Variants in CLDND1 observed in about 807,000 individuals in gnomAD.
CLDND1 encodes claudin domain containing 1.
A neutral mutation model predicts 26.3 loss-of-function variants in CLDND1; 13 were observed. That is an observed-to-expected ratio of 0.49 (90% CI 0.32 to 0.78). The LOEUF (loss-of-function observed/expected upper bound fraction) is 0.78, where lower values mean the gene tolerates loss of function less well. Among genes scored for constraint, CLDND1 ranks in the 30% least tolerant of loss-of-function variants. The pLI is 0.03. For missense variants in CLDND1, 289 were observed against 312.8 expected (o/e 0.92, Z 0.57); for synonymous variants, 107 against 107.0 (o/e 1.00, Z 0.00).
In CLDND1 at chr3:98,522,869, C is replaced by A; in HGVS notation, c.-39G>T. 2 of 1,613,796 alleles carry A rather than the reference C, an allele frequency of 1.2e-6. No individual in the cohort carries two copies. The highest frequency in any genetic ancestry group is 2.2e-5 in the South Asian group (2 of 91,072). ...CTCACCGCCCATCCTCCTGCTCCGCCAGCTTCACCCTCTAGCTCAGACCAC... is the reference window on the plus strand; with the variant it reads ...CTCACCGCCCATCCTCCTGCTCCGCAAGCTTCACCCTCTAGCTCAGACCAC... On this transcript the variant is annotated 5_prime_UTR_variant, in exon 1 of 5. Transcript: ENST00000341181.
At chr3:98,517,607 T>G (rs939889443) in intron 3 of CLDND1, among the ~76,000 whole-genome samples, 1 of 152,214 alleles carries the variant, frequency 6.6e-6, no homozygotes, top group Non-Finnish European at 1.5e-5. Context: ...TACATAGCAT[T>G]TATATTGTAT....
chr3:98,522,446 G>A (rs780239318), intron 1 of CLDND1: 39 of 794,810 alleles, frequency 4.9e-5, no homozygotes, highest in Admixed American at 1.6e-4. Flanking sequence ...AAGTGACTCA[G>A]GAAAGATAAG....
At position 98,516,251 on chromosome 3, in the gene CLDND1, A is replaced by C; in HGVS notation, c.*408T>G. On this transcript the variant is annotated 3_prime_UTR_variant, in exon 5 of 5. Transcript: ENST00000341181. ...ATCTACAACAGCAAAGTGAACATAA[A>C]GTTTTGACGATGAGAGGTTTCCCAA... is the stretch of plus-strand genomic sequence containing the variant. 1 of 1,028,166 alleles carries C rather than the reference A, an allele frequency of 9.7e-7. No individual in the cohort carries two copies. The highest frequency in any genetic ancestry group is 1.2e-6 in the Non-Finnish European group (1 of 856,052). The allele number at this position is 1,028,166 out of a possible 1,614,324, so 63.7% of individuals were successfully genotyped here.
chr3:98,518,902 A>T lies in CLDND1; in HGVS notation c.386T>A (p.Ile129Asn). ...GTACTCACAGGTCCTAAGGAGATCAATCCCGCTATTGTGGTTTCCGGGATC... is the reference window on the plus strand; with the variant it reads ...GTACTCACAGGTCCTAAGGAGATCATTCCCGCTATTGTGGTTTCCGGGATC... ...FVDPGNHNSGIDLLRTYLWRC... is the reference protein window; with the variant it reads ...FVDPGNHNSGNDLLRTYLWRC... The change falls in exon 3 of 5, where the codon ATT becomes AAT. Residue 129 changes from isoleucine to asparagine, a missense_variant. Ile to Asn is a moderately radical substitution (Grantham distance 149). Coordinates refer to ENST00000341181, the MANE Select transcript of CLDND1 (RefSeq NM_001040181.2). The T allele has an allele frequency of 1.9e-6, 3 of 1,607,658 alleles. No individual in the cohort carries two copies. The highest frequency in any genetic ancestry group is 1.7e-6 in the Non-Finnish European group (2 of 1,174,168).
Position 98,516,612 on chromosome 3 carries a change from A to G in CLDND1, c.*47T>C, listed in dbSNP as rs1706149045. 6.4e-7 allele frequency: 1 copy of G among 1,564,972 alleles called. No individual in the cohort carries two copies. Among genetic ancestry groups the G allele is most frequent in the Admixed American group, 1.9e-5 (1 of 51,564 alleles). ...GAGAGGTGGGGAAAATATCAGTATTATTTTAAAAAAATAAAAATGGCAATT... is the reference window on the plus strand; with the variant it reads ...GAGAGGTGGGGAAAATATCAGTATTGTTTTAAAAAAATAAAAATGGCAATT... On this transcript the variant is annotated 3_prime_UTR_variant, in exon 5 of 5. Transcript: ENST00000341181.
At position 98,516,751 on chromosome 3, in the gene CLDND1, G is replaced by C; in HGVS notation, c.670C>G (p.Pro224Ala). 1.2e-6 allele frequency: 2 copies of C among 1,614,158 alleles called. No homozygotes were observed. Among genetic ancestry groups the C allele is most frequent in the Non-Finnish European group, 1.7e-6 (2 of 1,180,024 alleles). ...AGAGCAGAAGCCATGAACTGTAAGG[G>C]AGCAGAGACACAAGCCAGGCAGAAG... ...WSFCLACVSA[P>A]LQFMASALFI... The change falls in exon 5 of 5, where the codon CCC (proline) becomes GCC (alanine). Residue 224 changes from proline (P) to alanine (A), a missense_variant. Coordinates refer to ENST00000341181, the MANE Select transcript of CLDND1 (RefSeq NM_001040181.2).
At chr3:98,522,099 G>A in intron 1 of CLDND1, 1 of 176,622 alleles carries the variant, frequency 5.7e-6, no homozygotes, top group Non-Finnish European at 1.2e-5. Flanking sequence ...TCTTTACGCT[G>A]CCAAATGCTT....
chr3:98,520,908 C>T (rs372401831), intron 2 of CLDND1: 17 of 442,184 alleles, frequency 3.8e-5, no homozygotes, highest in East Asian at 1.3e-4. Flanking sequence ...GCCATTAAGG[C>T]TTTCCCAAGA....
intron 3 of CLDND1, among the ~76,000 whole-genome samples, chr3:98,517,550 G>GA (rs970468796): frequency 1.1e-4 from 16 of 149,012 alleles, no homozygotes; most frequent in South Asian, 2.1e-4. Context: ...AAAATATTCA[G>GA]AAAAAAAAAT....
rs1559652636 is a variant in CLDND1 at position 98,516,469 on chromosome 3, T to TA, written c.*189dup. ...AGTTTATTTGAAAGATGGCATCGCTTAAAGTAAACCACATAAATTTTAGTG... is the reference window on the plus strand; with the variant it reads ...AGTTTATTTGAAAGATGGCATCGCTTAAAAGTAAACCACATAAATTTTAGTG... On this transcript the variant is annotated 3_prime_UTR_variant, in exon 5 of 5. Transcript: ENST00000341181. 8 of 1,375,688 alleles carry TA rather than the reference T, an allele frequency of 5.8e-6. No homozygotes were observed. The South Asian group carries it at 1.3e-4, about 22-fold the overall frequency. 85.2% of individuals were successfully genotyped at this position (1,375,688 alleles called of 1,614,324 possible). A position where few individuals can be genotyped will look rare whatever the true frequency, so the allele number is the denominator to read the frequency against.
chr3:98,521,572 T>G, intron 1 of CLDND1, 130 bp from the exon 2 acceptor site: 4 of 1,502,954 alleles, frequency 2.7e-6, no homozygotes. Flanking sequence ...TTAAGAATTT[T>G]TTTTAGAAAG....
chr3:98,520,409 A>C (rs1300916529), intron 2 of CLDND1, among the ~76,000 whole-genome samples: 1 of 152,196 alleles, frequency 6.6e-6, no homozygotes, highest in Non-Finnish European at 1.5e-5. Flanking sequence ...TTTGAATACA[A>C]TGCTTCCCCA....
In CLDND1 at chr3:98,516,780, C is replaced by T; in HGVS notation, c.641G>A (p.Trp214Ter). The T allele has an allele frequency of 6.2e-7, 1 of 1,614,092 alleles. No individual in the cohort carries two copies. The highest frequency in any genetic ancestry group is 8.5e-7 in the Non-Finnish European group (1 of 1,180,006). Residue 214 changes from tryptophan to a stop codon, truncating the protein, a stop_gained, in exon 5 of 5, where the codon TGG (tryptophan) becomes TAG (stop). Transcript: ENST00000341181. LOFTEE classifies it high-confidence loss of function. ...AGAGACACAAGCCAGGCAGAAGGAC[C>T]ATCCAAATTCACCGGATACATTGTC... Reference protein sequence around the residue: ...LPDNVSGEFGWSFCLACVSAP... With the variant: ...LPDNVSGEFG
At chr3:98,521,535 T>C (rs1706409451) in intron 1 of CLDND1, 93 bp from the exon 2 acceptor site, 2 of 1,466,916 alleles carry the variant, frequency 1.4e-6, no homozygotes, top group African/African-American at 1.4e-5. Context: ...CTTTACCCAA[T>C]TCCCCATCCC....
At chr3:98,521,616 T>G in intron 1 of CLDND1, 174 bp from the exon 2 acceptor site, 7 of 1,578,384 alleles carry the variant, frequency 4.4e-6, no homozygotes, top group Non-Finnish European at 6.1e-6. Context: ...AAAACAAAAC[T>G]CATTCTCATA....
In CLDND1 at chr3:98,522,902, T is replaced by G. The variant is rs1706492223; in HGVS notation, c.-72A>C. 3.1e-6 allele frequency: 5 copies of G among 1,611,998 alleles called. No homozygotes were observed. In the South Asian group the frequency reaches 5.5e-5, roughly 18 times the overall value. ...CCCTCTAGCTCAGACCACAGCACCCTACTCTCCCCGCGCCTCCTCTGACGC... is the reference window on the plus strand; with the variant it reads ...CCCTCTAGCTCAGACCACAGCACCCGACTCTCCCCGCGCCTCCTCTGACGC... On this transcript the variant is annotated 5_prime_UTR_variant, in exon 1 of 5. Transcript: ENST00000341181.
In CLDND1 at chr3:98,516,512, AGT is replaced by A; in HGVS notation, c.*145_*146del. 1 of 1,416,258 alleles carries A rather than the reference AGT, an allele frequency of 7.1e-7. No homozygotes were observed. Among genetic ancestry groups the A allele is most frequent in the Non-Finnish European group, 9.2e-7 (1 of 1,084,508 alleles). The allele number at this position is 1,416,258 out of a possible 1,614,324, so 87.7% of individuals were successfully genotyped here. A position where few individuals can be genotyped will look rare whatever the true frequency, so the allele number is the denominator to read the frequency against. ...TTTTAGTGGTATTAAGTGTGTATTT[AGT>A]GGTGAATGTGTATAAATAAAATAGA... On this transcript the variant is annotated 3_prime_UTR_variant, in exon 5 of 5. Transcript: ENST00000341181.
intron 3 of CLDND1, among the ~76,000 whole-genome samples, chr3:98,517,994 A>G (rs1706224034): frequency 1.3e-5 from 2 of 152,218 alleles, no homozygotes; most frequent in African/African-American, 2.4e-5. Flanking sequence ...AATATATATA[A>G]AGCACAAAGC....
At chr3:98,522,815 C>A (rs1296280195) in intron 1 of CLDND1, 34 bp downstream of exon 1, 2 of 1,613,552 alleles carry the variant, frequency 1.2e-6, no homozygotes, top group Non-Finnish European at 1.7e-6. Context: ...CGCGACGCGA[C>A]CCCTGCCCGG....
Sources: gnomAD v4.1 joint callset for allele counts (sites outside exome capture counted in the v4.1 genomes callset) on GRCh38, gnomAD v4.1.1 for gene constraint, MANE v1.5 for transcripts, NCBI Gene and HGNC (gene_info 2026-07-23, HGNC 2026-07-21) for gene names.